Variants in GRXCR1 observed in about 807,000 individuals in gnomAD.
GRXCR1 encodes glutaredoxin and cysteine rich domain containing 1.
In GRXCR1, 27 loss-of-function variants were observed where a neutral mutation model predicts 27.3. The ratio of observed to expected loss-of-function variants is 0.99; its 90% confidence interval spans 0.73 to 1.37. The LOEUF is 1.37. Among genes scored for constraint, GRXCR1 ranks in the 40% most tolerant of loss-of-function variants. The pLI is 0.00. For missense variants in GRXCR1, 379 were observed against 354.4 expected, an observed-to-expected ratio of 1.07 and a Z score of -0.56; for synonymous variants, 122 against 131.1, an observed-to-expected ratio of 0.93 and a Z score of 0.47.
intron 1 of GRXCR1, among the ~76,000 whole-genome samples, chr4:42,945,317 A>T (rs766639772): frequency 1.5e-4 from 23 of 152,150 alleles, no homozygotes; most frequent in Non-Finnish European, 2.9e-4. Context: ...ATGTAAAAAA[A>T]CCTCATAAAA....
chr4:42,899,839 G>A (rs536462382), intron 1 of GRXCR1, among the ~76,000 whole-genome samples: 2 of 152,214 alleles, frequency 1.3e-5, no homozygotes, highest in Non-Finnish European at 2.9e-5. Flanking sequence ...ATTTTAAACT[G>A]TGGAACATTG....
chr4:43,017,608 T>C (rs1029770651), intron 2 of GRXCR1, among the ~76,000 whole-genome samples: 2 of 152,204 alleles, frequency 1.3e-5, no homozygotes, highest in African/African-American at 4.8e-5. Context: ...AAAAAATCGA[T>C]TCTGAACCAA....
intron 1 of GRXCR1, among the ~76,000 whole-genome samples, chr4:42,897,185 T>C (rs1746365181): frequency 6.6e-6 from 1 of 152,178 alleles, no homozygotes; most frequent in South Asian, 2.1e-4. Flanking sequence ...ATTTGAGATA[T>C]ACTTTGCTGT....
At chr4:42,905,274 G>A (rs1746559816) in intron 1 of GRXCR1, among the ~76,000 whole-genome samples, 1 of 152,192 alleles carries the variant, frequency 6.6e-6, no homozygotes, top group African/African-American at 2.4e-5. Context: ...CCACCCACAT[G>A]CCTTGTGTCT....
chr4:42,929,743 C>T (rs921697676), intron 1 of GRXCR1, among the ~76,000 whole-genome samples: 2 of 151,848 alleles, frequency 1.3e-5, no homozygotes, highest in African/African-American at 4.8e-5. Flanking sequence ...CTGCCCCCAT[C>T]CAATGAATGG....
intron 1 of GRXCR1, among the ~76,000 whole-genome samples, chr4:42,907,582 C>T (rs1456386425): frequency 1.3e-5 from 2 of 152,148 alleles, no homozygotes; most frequent in African/African-American, 4.8e-5. Context: ...CTTGCTGACT[C>T]ACTGCTAGAC....
intron 2 of GRXCR1, among the ~76,000 whole-genome samples, chr4:42,963,556 G>T (rs1484328995): frequency 6.6e-5 from 10 of 151,808 alleles, no homozygotes; most frequent in Non-Finnish European, 1.2e-4. Context: ...GTCCTGAAAT[G>T]AAATCAATAA....
At chr4:42,953,271 GT>G (rs1220498641) in intron 1 of GRXCR1, among the ~76,000 whole-genome samples, 3 of 152,142 alleles carry the variant, frequency 2.0e-5, no homozygotes, top group African/African-American at 7.2e-5. Flanking sequence ...ATCTGTGTGG[GT>G]TTTCATGACT....
chr4:42,974,476 C>G (rs1362741170), intron 2 of GRXCR1, among the ~76,000 whole-genome samples: 2 of 152,104 alleles, frequency 1.3e-5, no homozygotes, highest in Non-Finnish European at 2.9e-5. Context: ...TGGTACCAAA[C>G]AGCTATGATG....
intron 1 of GRXCR1, among the ~76,000 whole-genome samples, chr4:42,935,408 A>G (rs1747432966): frequency 6.6e-6 from 1 of 151,932 alleles, no homozygotes; most frequent in South Asian, 2.1e-4. Context: ...TACAGACAGA[A>G]GTATAGGAAG....
intron 2 of GRXCR1, among the ~76,000 whole-genome samples, chr4:42,981,850 G>T (rs187718112): frequency 1.3e-5 from 2 of 151,820 alleles, no homozygotes; most frequent in African/African-American, 4.8e-5. Flanking sequence ...TTTTGCTTTC[G>T]GGATCTTCTC....
intron 2 of GRXCR1, among the ~76,000 whole-genome samples, chr4:42,991,704 C>G (rs966296247): frequency 6.6e-6 from 1 of 152,084 alleles, no homozygotes; most frequent in African/African-American, 2.4e-5. Context: ...TATTGTACAA[C>G]ATATTTCTCA....
chr4:42,957,873 A>T (rs1203125236), intron 1 of GRXCR1, among the ~76,000 whole-genome samples: 1 of 151,936 alleles, frequency 6.6e-6, no homozygotes, highest in Admixed American at 6.6e-5. Context: ...TCCTCAAAAC[A>T]GCTATTTTAA....
intron 1 of GRXCR1, among the ~76,000 whole-genome samples, chr4:42,898,983 T>C (rs149402619): frequency 5.3e-5 from 8 of 152,100 alleles, no homozygotes; most frequent in African/African-American, 1.9e-4. Context: ...GATGAGTTGG[T>C]ACTACTGATA....
chr4:42,914,964 A>G (rs954603485), intron 1 of GRXCR1, among the ~76,000 whole-genome samples: 2 of 152,084 alleles, frequency 1.3e-5, no homozygotes, highest in African/African-American at 4.8e-5. Flanking sequence ...GTCTTCCACC[A>G]TGATTGTAAG....
chr4:42,928,209 C>G (rs1010499749), intron 1 of GRXCR1, among the ~76,000 whole-genome samples: 2 of 151,962 alleles, frequency 1.3e-5, no homozygotes, highest in Admixed American at 6.6e-5. Context: ...TACTTCTACT[C>G]TTGGAAGCAC....
At chr4:42,895,728 G>T (rs1435894672) in intron 1 of GRXCR1, among the ~76,000 whole-genome samples, 1 of 152,098 alleles carries the variant, frequency 6.6e-6, no homozygotes, top group Non-Finnish European at 1.5e-5. Context: ...TAAGGTATGT[G>T]TATGTCATTT....
At chr4:43,030,264 T>C in intron 3 of GRXCR1, 97 bp from the exon 4 acceptor site, 1 of 1,073,808 alleles carries the variant, frequency 9.3e-7, no homozygotes, top group Non-Finnish European at 1.4e-6. Context: ...AATATTGCTT[T>C]ATGACCACTC....
intron 2 of GRXCR1, among the ~76,000 whole-genome samples, chr4:42,991,390 T>C (rs1313321440): frequency 6.6e-6 from 1 of 151,866 alleles, no homozygotes; most frequent in Non-Finnish European, 1.5e-5. Context: ...GTGCTTTGTG[T>C]TTTTCAAGTT....
Sources: allele counts gnomAD v4.1 joint callset (sites outside exome capture counted in the v4.1 genomes callset), GRCh38; gene constraint gnomAD v4.1.1; transcripts MANE v1.5; gene names NCBI Gene and HGNC (gene_info 2026-07-23, HGNC 2026-07-21).